Variants in CAMTA1 observed in about 807,000 individuals in gnomAD.
CAMTA1 encodes calmodulin-binding transcription activator 1.
Under a neutral mutation model 170.9 loss-of-function variants are expected in CAMTA1, and 27 were observed. That is an observed-to-expected ratio of 0.16 (90% CI 0.12 to 0.22). CAMTA1 has a LOEUF of 0.22. CAMTA1 is among the 10% of genes least tolerant of loss of function. CAMTA1 has a pLI of 1.00. For missense variants in CAMTA1, 1,619 were observed against 2,217.2 expected, an observed-to-expected ratio of 0.73 and a Z score of 5.42; for synonymous variants, 833 against 891.5, an observed-to-expected ratio of 0.93 and a Z score of 1.17.
At chr1:7,669,661 C>A (rs116675299) in intron 9 of CAMTA1, among the ~76,000 whole-genome samples, 1 of 152,228 alleles carries the variant, frequency 6.6e-6, no homozygotes, top group Non-Finnish European at 1.5e-5. Context: ...TGGTGCTCTC[C>A]GCCCTGACCT....
intron 7 of CAMTA1, among the ~76,000 whole-genome samples, chr1:7,643,788 G>A (rs1047183609): frequency 1.4e-4 from 22 of 152,246 alleles, no homozygotes; most frequent in Non-Finnish European, 8.8e-5. Context: ...GCGTGTGCAC[G>A]GCTCTGACAG....
At chr1:7,155,579 G>C (rs6703942) in intron 4 of CAMTA1, among the ~76,000 whole-genome samples, 88,871 of 150,870 alleles carry the variant, frequency 0.59, 26,442 homozygotes, top group Admixed American at 0.63. Flanking sequence ...ACCACAGGTG[G>C]GTGCCACCAT....
chr1:6,974,252 T>A (rs959573625), intron 3 of CAMTA1, among the ~76,000 whole-genome samples: 3 of 152,190 alleles, frequency 2.0e-5, no homozygotes, highest in Admixed American at 2.0e-4. Flanking sequence ...AGAATCCAAT[T>A]TTTCATACAG....
At chr1:7,683,945 C>T (rs990138421) in intron 11 of CAMTA1, among the ~76,000 whole-genome samples, 1 of 152,214 alleles carries the variant, frequency 6.6e-6, no homozygotes, top group African/African-American at 2.4e-5. Context: ...CTGTGCTCCT[C>T]AGCCAGGACC....
chr1:6,785,537 C>T lies in CAMTA1; in HGVS notation c.7C>T (p.Arg3Cys). Residue 3 changes from arginine to cysteine, a missense_variant, in exon 1 of 23, where the codon CGC (arginine) becomes TGC (cysteine). Around this residue, in one of 8 missense-constraint regions of CAMTA1, gnomAD observed 61 missense variants for 57.7 expected, o/e 1.06. Transcript: ENST00000303635. MW[R>C]AEGKWLPKTS... ...GGTCGCGAGGAGGAGGAGGATGTGG[C>T]GCGCGGAGGGGAAATGGCTGCCGAA... The T allele has an allele frequency of 2.8e-6, 3 of 1,075,876 alleles. No homozygotes were observed. Among genetic ancestry groups the T allele is most frequent in the Non-Finnish European group, 2.3e-6 (2 of 872,798 alleles). 66.6% of individuals were successfully genotyped at this position (1,075,876 alleles called of 1,614,324 possible). A position where few individuals can be genotyped will look rare whatever the true frequency, so the allele number is the denominator to read the frequency against.
intron 5 of CAMTA1, among the ~76,000 whole-genome samples, chr1:7,446,766 G>A (rs902633412): frequency 6.6e-6 from 1 of 152,222 alleles, no homozygotes; most frequent in Admixed American, 6.5e-5. Context: ...CAGACCAGCA[G>A]CTGGGCTGGA....
chr1:6,859,280 A>T (rs1663730316), intron 3 of CAMTA1, among the ~76,000 whole-genome samples: 1 of 152,152 alleles, frequency 6.6e-6, no homozygotes, highest in Non-Finnish European at 1.5e-5. Context: ...CCCCATTTAT[A>T]CACCATGTTG....
intron 3 of CAMTA1, among the ~76,000 whole-genome samples, chr1:6,958,449 G>A (rs764333836): frequency 6.6e-6 from 1 of 152,044 alleles, no homozygotes; most frequent in Non-Finnish European, 1.5e-5. Context: ...CTCTCCTCTC[G>A]GACAGGTTCT....
At chr1:7,284,585 C>T (rs1256238066) in intron 5 of CAMTA1, among the ~76,000 whole-genome samples, 1 of 152,200 alleles carries the variant, frequency 6.6e-6, no homozygotes, top group Non-Finnish European at 1.5e-5. Context: ...AGAATGCTCA[C>T]AAGTGTGCTA....
chr1:7,762,018 G>T (rs1346594762), intron 22 of CAMTA1, among the ~76,000 whole-genome samples: 1 of 152,092 alleles, frequency 6.6e-6, no homozygotes, highest in Non-Finnish European at 1.5e-5. Flanking sequence ...GCCAGGTATG[G>T]TGATGTGTAC....
At chr1:7,500,965 C>T (rs921546136) in intron 6 of CAMTA1, among the ~76,000 whole-genome samples, 3 of 152,110 alleles carry the variant, frequency 2.0e-5, no homozygotes, top group African/African-American at 4.8e-5. Context: ...TAGCCCAGGC[C>T]GAGAGCCATC....
chr1:7,351,767 C>T (rs986229691), intron 5 of CAMTA1, among the ~76,000 whole-genome samples: 15 of 152,144 alleles, frequency 9.9e-5, no homozygotes, highest in African/African-American at 3.1e-4. Context: ...GCTCTGCACT[C>T]GGAGCTGTGC....
intron 4 of CAMTA1, among the ~76,000 whole-genome samples, chr1:7,136,657 T>C (rs1645562497): frequency 6.6e-6 from 1 of 152,234 alleles, no homozygotes; most frequent in Non-Finnish European, 1.5e-5. Context: ...TTAAGCTGTC[T>C]GGCTTTTGCC....
rs947417680 is a variant in CAMTA1, at chr1:7,664,979, G to A, written c.2432G>A (p.Arg811Gln). The A allele has an allele frequency of 1.4e-5, 22 of 1,610,416 alleles. No individual in the cohort carries two copies. Among genetic ancestry groups the A allele is most frequent in the Middle Eastern group, 1.6e-4 (1 of 6,066 alleles). Residue 811 changes from arginine to glutamine, a missense_variant, in exon 9 of 23, where the codon CGG becomes CAG. Transcript: ENST00000303635. ...TALSQSEDGARAPFTQAEMCL... is the reference protein window; with the variant it reads ...TALSQSEDGAQAPFTQAEMCL... The stretch of plus-strand genomic sequence containing the variant: ...CTCTCACAGTCAGAGGACGGGGCGC[G>A]GGCCCCCTTCACCCAGGCAGAGATG...
chr1:7,702,914 T>C (rs2096457729), intron 11 of CAMTA1, among the ~76,000 whole-genome samples: 1 of 152,126 alleles, frequency 6.6e-6, no homozygotes, highest in Non-Finnish European at 1.5e-5. Flanking sequence ...TGTACATCAG[T>C]GCCAGGCACT....
At chr1:7,221,552 T>C (rs1660768745) in intron 4 of CAMTA1, among the ~76,000 whole-genome samples, 3 of 152,142 alleles carry the variant, frequency 2.0e-5, no homozygotes, top group Admixed American at 2.0e-4. Context: ...ACTTGATTCT[T>C]CTTTATATGG....
intron 1 of CAMTA1, among the ~76,000 whole-genome samples, chr1:6,789,425 A>G (rs901684655): frequency 5.3e-5 from 8 of 152,214 alleles, no homozygotes; most frequent in Admixed American, 2.0e-4. Context: ...GAGGTAGCCC[A>G]TCTCAAAATC....
intron 4 of CAMTA1, among the ~76,000 whole-genome samples, chr1:7,198,679 C>G (rs1205624455): frequency 6.6e-6 from 1 of 152,068 alleles, no homozygotes; most frequent in African/African-American, 2.4e-5. Flanking sequence ...AGGACCTCTT[C>G]TTGCTGTGAC....
chr1:7,239,370 G>A (rs1664449172), intron 4 of CAMTA1, among the ~76,000 whole-genome samples: 1 of 152,098 alleles, frequency 6.6e-6, no homozygotes, highest in Non-Finnish European at 1.5e-5. Context: ...TCTACATATT[G>A]CAATTGGTTG....
Sources: allele counts gnomAD v4.1 joint callset (sites outside exome capture counted in the v4.1 genomes callset), GRCh38; gene constraint gnomAD v4.1.1; regional missense constraint gnomAD v4.1.1; transcripts MANE v1.5; gene names NCBI Gene and HGNC (gene_info 2026-07-23, HGNC 2026-07-21).